PRKG1: variants seen among roughly 807,000 people sequenced by gnomAD.
The protein encoded by PRKG1 is cGMP-dependent protein kinase 1.
PRKG1 carries 35 observed loss-of-function variants against 88.1 expected under a neutral mutation model. The observed-to-expected ratio is 0.40, with a 90% confidence interval of 0.30 to 0.53. The LOEUF (loss-of-function observed/expected upper bound fraction) is 0.53, where lower values mean the gene tolerates loss of function less well. Among genes scored for constraint, PRKG1 ranks in the 20% least tolerant of loss-of-function variants. The pLI, the probability that PRKG1 is intolerant of heterozygous loss-of-function variation, is 0.59. For missense variants in PRKG1, 540 were observed against 839.8 expected (o/e 0.64, Z 4.41); for synonymous variants, 303 against 292.5 (o/e 1.04, Z -0.37).
chr10:51,688,330 G>A (rs764335140), intron 3 of PRKG1, among the ~76,000 whole-genome samples: 36 of 152,066 alleles, frequency 2.4e-4, no homozygotes, highest in Non-Finnish European at 4.4e-4. Context: ...AGAGATTAGG[G>A]TATATTCTGT....
chr10:51,123,032 C>A lies in PRKG1; in HGVS notation c.312-30132C>A, dbSNP rs562042239. Reference sequence around the variant, plus strand: ...TAGAACCTTCCTCAAAATTATTCAACAAAAGCCCCAATTCTATAATAGGTT... The same window carrying A: ...TAGAACCTTCCTCAAAATTATTCAAAAAAAGCCCCAATTCTATAATAGGTT... On this transcript the variant is annotated intron_variant, in intron 1 of 17. Coordinates refer to ENST00000373980, the MANE Select transcript of PRKG1 (RefSeq NM_006258.4). Among the ~76,000 whole-genome samples the A allele has an allele frequency of 9.5e-4, 145 of 152,306 alleles. 1 individual carries two copies. Among genetic ancestry groups the A allele is most frequent in the African/African-American group, 3.4e-3 (141 of 41,576 alleles).
chr10:51,962,953 CAG>C (rs1843481857), intron 5 of PRKG1, among the ~76,000 whole-genome samples: 1 of 152,126 alleles, frequency 6.6e-6, no homozygotes, highest in African/African-American at 2.4e-5. Context: ...GTGTGGAAAA[CAG>C]AAGCTGAGAA....
At chr10:51,437,183 G>C (rs544028534) in intron 2 of PRKG1, among the ~76,000 whole-genome samples, 2 of 152,040 alleles carry the variant, frequency 1.3e-5, no homozygotes, top group African/African-American at 4.8e-5. Flanking sequence ...GTAGTGTGAT[G>C]AGAACTTAGA....
At chr10:51,188,603 C>T (rs553050044) in intron 2 of PRKG1, among the ~76,000 whole-genome samples, 12 of 152,008 alleles carry the variant, frequency 7.9e-5, no homozygotes, top group East Asian at 5.8e-4. Flanking sequence ...GAAAACAACT[C>T]GAGACACAGT....
intron 5 of PRKG1, among the ~76,000 whole-genome samples, chr10:51,960,958 T>C (rs115264331): frequency 0.021 from 3,234 of 152,278 alleles, 102 homozygotes; most frequent in African/African-American, 0.07. Flanking sequence ...CGACAGCAAG[T>C]TGAAGTATTG....
chr10:51,404,828 C>G (rs1189055824), intron 2 of PRKG1, among the ~76,000 whole-genome samples: 2 of 152,172 alleles, frequency 1.3e-5, no homozygotes, highest in Non-Finnish European at 2.9e-5. Context: ...CTTTCATTCT[C>G]TCACCTCTAC....
At chr10:52,094,392 T>G (rs1432753674) in intron 7 of PRKG1, among the ~76,000 whole-genome samples, 1 of 152,176 alleles carries the variant, frequency 6.6e-6, no homozygotes, top group Non-Finnish European at 1.5e-5. Flanking sequence ...TCACTATACA[T>G]TAATTTGTAC....
At chr10:51,771,259 C>T (rs4935280) in intron 3 of PRKG1, among the ~76,000 whole-genome samples, 6 of 152,066 alleles carry the variant, frequency 3.9e-5, no homozygotes, top group African/African-American at 9.7e-5. Flanking sequence ...ACCACCATTC[C>T]GTATGCGGTC....
intron 2 of PRKG1, among the ~76,000 whole-genome samples, chr10:51,421,160 T>G (rs1409269618): frequency 7.1e-6 from 1 of 141,448 alleles, no homozygotes; most frequent in Non-Finnish European, 1.6e-5. Context: ...GCCTTTTATT[T>G]CTTGTTTGTT....
intron 4 of PRKG1, among the ~76,000 whole-genome samples, chr10:51,891,132 C>A (rs1013315574): frequency 4.6e-5 from 7 of 152,040 alleles, no homozygotes; most frequent in Non-Finnish European, 1.0e-4. Context: ...GGTGTGGTGG[C>A]ATGTACTTGT....
chr10:51,241,495 C>T (rs549179107), intron 2 of PRKG1, among the ~76,000 whole-genome samples: 2 of 152,278 alleles, frequency 1.3e-5, no homozygotes, highest in East Asian at 1.9e-4. Context: ...TAATACCCTG[C>T]TTTAAGTCAG....
chr10:51,817,150 G>A (rs1351717862), intron 4 of PRKG1, among the ~76,000 whole-genome samples: 1 of 152,044 alleles, frequency 6.6e-6, no homozygotes, highest in Non-Finnish European at 1.5e-5. Flanking sequence ...AGGTCTTGGT[G>A]TTTGGGGCAG....
intron 1 of PRKG1, among the ~76,000 whole-genome samples, chr10:51,150,984 T>C (rs1363499981): frequency 6.6e-6 from 1 of 152,004 alleles, no homozygotes; most frequent in Admixed American, 6.6e-5. Flanking sequence ...TCTTGCTGAA[T>C]TTCTAGGACT....
chr10:51,784,415 C>G (rs1291983379), intron 3 of PRKG1, among the ~76,000 whole-genome samples: 1 of 152,024 alleles, frequency 6.6e-6, no homozygotes, highest in Non-Finnish European at 1.5e-5. Context: ...TGTTCTTAAA[C>G]CAGAAGCATA....
intron 1 of PRKG1, among the ~76,000 whole-genome samples, chr10:51,096,479 T>C (rs935473271): frequency 1.2e-4 from 19 of 152,138 alleles, no homozygotes; most frequent in Admixed American, 1.3e-4. Context: ...TGAATTCAAA[T>C]TCGAGTTTTG....
chr10:51,370,373 T>C (rs1056527622), intron 2 of PRKG1, among the ~76,000 whole-genome samples: 1 of 152,072 alleles, frequency 6.6e-6, no homozygotes, highest in African/African-American at 2.4e-5. Context: ...GAGTTTTTCC[T>C]AGCGGGATGA....
At chr10:51,209,394 A>C (rs577577612) in intron 2 of PRKG1, among the ~76,000 whole-genome samples, 13 of 152,142 alleles carry the variant, frequency 8.5e-5, no homozygotes, top group Non-Finnish European at 1.8e-4. Flanking sequence ...ATTTGGAATA[A>C]AACATCATGA....
intron 3 of PRKG1, among the ~76,000 whole-genome samples, chr10:51,486,743 T>C (rs1049727074): frequency 1.3e-5 from 2 of 152,160 alleles, no homozygotes; most frequent in African/African-American, 2.4e-5. Flanking sequence ...TACTTTACCA[T>C]CATTAACAAT....
At chr10:51,106,532 C>G (rs1262056662) in intron 1 of PRKG1, among the ~76,000 whole-genome samples, 1 of 152,108 alleles carries the variant, frequency 6.6e-6, no homozygotes, top group Non-Finnish European at 1.5e-5. Flanking sequence ...ACATCAGCAC[C>G]TTTCTTAGAG....
Sources: gnomAD v4.1 joint callset for allele counts (sites outside exome capture counted in the v4.1 genomes callset) on GRCh38, gnomAD v4.1.1 for gene constraint, MANE v1.5 for transcripts, NCBI Gene and HGNC (gene_info 2026-07-23, HGNC 2026-07-21) for gene names.